CNTNAP5: variants seen among roughly 807,000 people sequenced by gnomAD.
CNTNAP5 encodes the protein contactin-associated protein-like 5.
Under a neutral mutation model 150.2 loss-of-function variants are expected in CNTNAP5, and 72 were observed. The ratio of observed to expected loss-of-function variants is 0.48; its 90% CI spans 0.40 to 0.58. CNTNAP5 has a LOEUF of 0.58. Ranked by LOEUF, CNTNAP5 falls within the 20% of genes least tolerant of loss-of-function variation. CNTNAP5 has a pLI of 0.00. For missense variants in CNTNAP5, 1,636 were observed against 1,626.2 expected (o/e 1.01, Z -0.10); for synonymous variants, 672 against 619.8 (o/e 1.08, Z -1.25).
intron 10 of CNTNAP5, among the ~76,000 whole-genome samples, chr2:124,561,563 G>C (rs1695894395): frequency 6.6e-6 from 1 of 152,112 alleles, no homozygotes; most frequent in South Asian, 2.1e-4. Flanking sequence ...TGTTTTGTGT[G>C]AATACATCCC....
At chr2:124,347,223 C>G (rs1370921889) in intron 3 of CNTNAP5, among the ~76,000 whole-genome samples, 1 of 152,214 alleles carries the variant, frequency 6.6e-6, no homozygotes, top group Admixed American at 6.5e-5. Context: ...GGTTTATTAA[C>G]TGCCTGGTCC....
intron 1 of CNTNAP5, among the ~76,000 whole-genome samples, chr2:124,186,656 G>T (rs1685339910): frequency 6.6e-6 from 1 of 152,104 alleles, no homozygotes; most frequent in South Asian, 2.1e-4. Context: ...CTCCATGCTG[G>T]CCCTGTTAAG....
At chr2:124,124,538 G>A (rs866569312) in intron 1 of CNTNAP5, among the ~76,000 whole-genome samples, 2 of 152,104 alleles carry the variant, frequency 1.3e-5, no homozygotes, top group African/African-American at 4.8e-5. Flanking sequence ...GCAGGCCTAC[G>A]TTCAAATTCA....
intron 4 of CNTNAP5, among the ~76,000 whole-genome samples, chr2:124,429,836 T>A (rs1035728320): frequency 2.0e-5 from 3 of 152,114 alleles, no homozygotes; most frequent in African/African-American, 7.2e-5. Context: ...GTGAAATAGA[T>A]GATGCGCAGG....
At chr2:124,870,153 ATCTT>A (rs1204839080) in intron 21 of CNTNAP5, among the ~76,000 whole-genome samples, 1 of 151,534 alleles carries the variant, frequency 6.6e-6, no homozygotes, top group African/African-American at 2.4e-5. Context: ...ATAATAGTGA[ATCTT>A]TTTTTTTTTC....
rs568009321 is a variant in CNTNAP5, at chr2:124,468,839, G to C, written c.919-5900G>C. Among the ~76,000 whole-genome samples, 21 of 152,238 alleles carry C rather than the reference G, an allele frequency of 1.4e-4. No individual in the cohort carries two copies. In the South Asian group the frequency reaches 4.4e-3, roughly 32 times the overall value. On this transcript the variant is annotated intron_variant, in intron 6 of 23. Coordinates refer to ENST00000682447, the MANE Select transcript of CNTNAP5 (RefSeq NM_001367498.1). Reference sequence around the variant, plus strand: ...CAGTTGCCTGCCTCACACTGTGCTAGAGTGACCAGGTCACTGTGGAACCCC... The same window carrying C: ...CAGTTGCCTGCCTCACACTGTGCTACAGTGACCAGGTCACTGTGGAACCCC...
At position 124,101,532 on chromosome 2, in the gene CNTNAP5, T is replaced by C. The variant is rs115409948; in HGVS notation, c.82+75800T>C. 5.1e-3 allele frequency among the ~76,000 whole-genome samples: 775 copies of C among 152,152 alleles called. 2 individuals are homozygous for C. Among genetic ancestry groups the C allele is most frequent in the African/African-American group, 0.017 (717 of 41,506 alleles). On this transcript the variant is annotated intron_variant, in intron 1 of 23. Coordinates refer to ENST00000682447, the MANE Select transcript of CNTNAP5 (RefSeq NM_001367498.1). Reference sequence around the variant, plus strand: ...ACAAGGCAGGCATATTTGAAGGTGGTTTAGGAATTTACATCACGAATCCCA... The same window carrying C: ...ACAAGGCAGGCATATTTGAAGGTGGCTTAGGAATTTACATCACGAATCCCA...
intron 6 of CNTNAP5, among the ~76,000 whole-genome samples, chr2:124,458,215 AT>A (rs1693166131): frequency 7.2e-6 from 1 of 138,444 alleles, no homozygotes; most frequent in Non-Finnish European, 1.6e-5. Flanking sequence ...TATATATATA[AT>A]ATATATAATA....
At chr2:124,905,153 AC>A (rs1410200945) in intron 22 of CNTNAP5, among the ~76,000 whole-genome samples, 1 of 144,632 alleles carries the variant, frequency 6.9e-6, no homozygotes, top group Non-Finnish European at 1.5e-5. Context: ...CAAAAGGCAT[AC>A]AAACATCCAA....
chr2:124,320,438 G>A (rs1216036226), intron 3 of CNTNAP5, among the ~76,000 whole-genome samples: 2 of 152,190 alleles, frequency 1.3e-5, no homozygotes, highest in Non-Finnish European at 2.9e-5. Flanking sequence ...GTGTCTAACT[G>A]AAATAGTGTG....
At chr2:124,570,467 T>C (rs1401426451) in intron 11 of CNTNAP5, among the ~76,000 whole-genome samples, 1 of 152,082 alleles carries the variant, frequency 6.6e-6, no homozygotes, top group Non-Finnish European at 1.5e-5. Flanking sequence ...AGGAAGGAGA[T>C]GCAGGAAATG....
intron 13 of CNTNAP5, among the ~76,000 whole-genome samples, chr2:124,679,571 C>A (rs543242770): frequency 2.8e-5 from 4 of 145,306 alleles, no homozygotes; most frequent in Non-Finnish European, 4.6e-5. Flanking sequence ...TGTCCCATAT[C>A]TTTTTTTTTT....
At chr2:124,807,265 C>T (rs1209052343) in intron 19 of CNTNAP5, among the ~76,000 whole-genome samples, 1 of 152,146 alleles carries the variant, frequency 6.6e-6, no homozygotes, top group African/African-American at 2.4e-5. Flanking sequence ...AGTTTGACCT[C>T]TCGATGTTAA....
intron 1 of CNTNAP5, among the ~76,000 whole-genome samples, chr2:124,184,453 A>T (rs1234001531): frequency 6.6e-5 from 10 of 152,200 alleles, no homozygotes; most frequent in Non-Finnish European, 1.5e-5. Context: ...ACATGTCGCA[A>T]ATCTTGCATG....
chr2:124,748,754 TTCAGA>T (rs1479967263), intron 14 of CNTNAP5, among the ~76,000 whole-genome samples: 1 of 152,178 alleles, frequency 6.6e-6, no homozygotes, highest in East Asian at 1.9e-4. Flanking sequence ...GTATTATCAC[TTCAGA>T]ACACCCTAGG....
At chr2:124,683,853 G>C (rs1010077350) in intron 13 of CNTNAP5, among the ~76,000 whole-genome samples, 10 of 152,130 alleles carry the variant, frequency 6.6e-5, no homozygotes, top group African/African-American at 2.4e-4. Context: ...AACGTTTATT[G>C]CCTGACTAAT....
At chr2:124,653,447 A>G (rs1322615918) in intron 13 of CNTNAP5, among the ~76,000 whole-genome samples, 1 of 151,448 alleles carries the variant, frequency 6.6e-6, no homozygotes, top group African/African-American at 2.4e-5. Flanking sequence ...ATACATATAT[A>G]CAATATATGA....
Position 124,763,744 on chromosome 2 carries a change from C to T in CNTNAP5, c.2307C>T (p.Asp769=). ...PVTQIVITDT[D]RSNSEAAWRI... ...CTCAGATAGTTATCACTGATACCGA[C>T]AGATCAAACTCAGAAGCCGCTTGGA... The change falls in exon 15 of 24, where the codon GAC becomes GAT. Residue 769 remains aspartate, a synonymous_variant. Coordinates refer to ENST00000682447, the MANE Select transcript of CNTNAP5 (RefSeq NM_001367498.1). 1 of 1,613,100 alleles carries T rather than the reference C, an allele frequency of 6.2e-7. No homozygotes were observed. Among genetic ancestry groups the T allele is most frequent in the Non-Finnish European group, 8.5e-7 (1 of 1,179,480 alleles).
intron 1 of CNTNAP5, among the ~76,000 whole-genome samples, chr2:124,129,246 G>A (rs1406533805): frequency 1.3e-5 from 2 of 151,862 alleles, no homozygotes; most frequent in Non-Finnish European, 2.9e-5. Context: ...ATATTACTTA[G>A]AAAAAAAAGT....
Sources: gnomAD v4.1 joint callset for allele counts (sites outside exome capture counted in the v4.1 genomes callset) on GRCh38, gnomAD v4.1.1 for gene constraint, MANE v1.5 for transcripts, NCBI Gene and HGNC (gene_info 2026-07-23, HGNC 2026-07-21) for gene names.